Variants in SHISA9 observed in about 807,000 individuals in gnomAD.
The protein encoded by SHISA9 is protein shisa-9.
SHISA9 carries 13 observed loss-of-function variants against 38.0 expected under a neutral mutation model. The ratio of observed to expected loss-of-function variants is 0.34; its 90% CI spans 0.22 to 0.54. SHISA9 has a LOEUF of 0.54. Ranked by LOEUF, SHISA9 falls within the 20% of genes least tolerant of loss-of-function variation. The pLI is 0.91. For missense variants in SHISA9, 538 were observed against 575.8 expected (o/e 0.93, Z 0.67); for synonymous variants, 275 against 242.0 (o/e 1.14, Z -1.27).
intron 2 of SHISA9, among the ~76,000 whole-genome samples, chr16:13,146,155 A>G (rs930166296): frequency 1.3e-5 from 2 of 152,202 alleles, no homozygotes; most frequent in African/African-American, 2.4e-5. Flanking sequence ...GCACCACTGC[A>G]CTCCAGGCTG....
chr16:12,961,272 G>A lies in SHISA9; in HGVS notation c.691+44457G>A, dbSNP rs1285249037. ...TGGACAGGAGGCCAGAATGGTGGGA[G>A]CAGAGGTAGCGGAGTGGAACATGGA... On this transcript the variant is annotated intron_variant, in intron 2 of 4. Coordinates refer to ENST00000558583, the MANE Select transcript of SHISA9 (RefSeq NM_001145204.3). Among the ~76,000 whole-genome samples the A allele has an allele frequency of 2.0e-5, 3 of 152,162 alleles. No individual in the cohort carries two copies. In the East Asian group the frequency reaches 5.8e-4, roughly 29 times the overall value.
chr16:13,434,419 G>GTTTT, the SHISA9 span, among the ~76,000 whole-genome samples: 11 of 64,562 alleles, frequency 1.7e-4, 1 homozygote, highest in South Asian at 5.0e-4. Flanking sequence ...GACAAGCTAT[G>GTTTT]TTTTTTTTTT....
chr16:13,295,100 C>G, the SHISA9 span, among the ~76,000 whole-genome samples: 1 of 152,178 alleles, frequency 6.6e-6, no homozygotes, highest in Admixed American at 6.5e-5. Context: ...ACCAGGGAAC[C>G]TGGCTCTAGA....
At chr16:13,394,928 GGTGTGTGTGTGTGT>G in the SHISA9 span, among the ~76,000 whole-genome samples, 12 of 139,402 alleles carry the variant, frequency 8.6e-5, no homozygotes, top group South Asian at 2.4e-4. Context: ...CAGTATCTGG[GGTGTGTGTGTGTGT>G]GTGTGTGTGT....
At chr16:13,043,465 C>T (rs896034225) in intron 2 of SHISA9, among the ~76,000 whole-genome samples, 1 of 152,200 alleles carries the variant, frequency 6.6e-6, no homozygotes, top group African/African-American at 2.4e-5. Context: ...TTTAAATTCT[C>T]CTGTTTCTAT....
the SHISA9 span, among the ~76,000 whole-genome samples, chr16:13,356,152 A>C: frequency 6.6e-6 from 1 of 152,206 alleles, no homozygotes; most frequent in African/African-American, 2.4e-5. Flanking sequence ...AAGGAATTGC[A>C]ACTTTTTTCT....
chr16:13,077,306 A>G (rs562138734), intron 2 of SHISA9, among the ~76,000 whole-genome samples: 36 of 150,384 alleles, frequency 2.4e-4, no homozygotes, highest in African/African-American at 7.8e-4. Context: ...TACTTTATCC[A>G]TATGGTAAAA....
chr16:13,550,594 C>T, the SHISA9 span, among the ~76,000 whole-genome samples: 11 of 152,316 alleles, frequency 7.2e-5, no homozygotes, highest in Admixed American at 5.9e-4. Context: ...GGGTGAAAGT[C>T]TGGACCCTTC....
the SHISA9 span, among the ~76,000 whole-genome samples, chr16:13,527,290 A>T: frequency 6.6e-6 from 1 of 152,036 alleles, no homozygotes; most frequent in Admixed American, 6.6e-5. Context: ...GCGTTTTTGG[A>T]GAACGCCTCC....
the SHISA9 span, among the ~76,000 whole-genome samples, chr16:13,561,887 A>T: frequency 6.6e-6 from 1 of 152,018 alleles, no homozygotes; most frequent in Admixed American, 6.5e-5. Context: ...AAAGCAAAAG[A>T]CAGCTGTATT....
intron 2 of SHISA9, among the ~76,000 whole-genome samples, chr16:13,031,275 T>C (rs1384474958): frequency 6.6e-6 from 1 of 152,152 alleles, no homozygotes; most frequent in Admixed American, 6.5e-5. Context: ...TCCACTGGAA[T>C]AGGTTGGATG....
intron 2 of SHISA9, among the ~76,000 whole-genome samples, chr16:13,095,228 T>C (rs1314486770): frequency 6.6e-6 from 1 of 152,246 alleles, no homozygotes; most frequent in Non-Finnish European, 1.5e-5. Context: ...TGAAATGCTT[T>C]TCATTCCTGT....
chr16:13,551,985 C>G, the SHISA9 span, among the ~76,000 whole-genome samples: 2 of 152,098 alleles, frequency 1.3e-5, no homozygotes, highest in African/African-American at 2.4e-5. Flanking sequence ...TGAGATCTCA[C>G]CACTGCACTC....
chr16:12,986,132 T>C (rs1198052192), intron 2 of SHISA9, among the ~76,000 whole-genome samples: 1 of 152,172 alleles, frequency 6.6e-6, no homozygotes, highest in African/African-American at 2.4e-5. Context: ...AGTTTTTAAA[T>C]AAATTGCTCA....
intron 4 of SHISA9, among the ~76,000 whole-genome samples, chr16:13,231,242 T>C (rs1020435767): frequency 2.0e-5 from 3 of 152,176 alleles, no homozygotes; most frequent in Admixed American, 1.3e-4. Flanking sequence ...ATGTGAGAGA[T>C]AAGAAAGAGG....
intron 2 of SHISA9, among the ~76,000 whole-genome samples, chr16:12,923,853 A>C (rs762454297): frequency 2.6e-5 from 4 of 151,878 alleles, no homozygotes; most frequent in Non-Finnish European, 5.9e-5. Flanking sequence ...AAAAAAAAAA[A>C]TTAGAGGAGT....
intron 2 of SHISA9, among the ~76,000 whole-genome samples, chr16:12,939,442 G>T (rs913112237): frequency 1.3e-5 from 2 of 152,148 alleles, no homozygotes; most frequent in African/African-American, 2.4e-5. Context: ...CCAGAGGTTT[G>T]TTGTTGGTGA....
rs552317222 is a variant in SHISA9, at chr16:12,991,995, G to A, written c.691+75180G>A. ...CATCTGTAACTTGCCTCAGTGTCTA[G>A]AAGGGTACCCAGCACATAGGTGCTC... On this transcript the variant is annotated intron_variant, in intron 2 of 4. Transcript: ENST00000558583. Among the ~76,000 whole-genome samples the A allele has an allele frequency of 4.6e-5, 7 of 152,240 alleles. No homozygotes were observed. In the South Asian group the frequency reaches 1.5e-3, roughly 32 times the overall value.
chr16:13,270,950 AG>A, the SHISA9 span, among the ~76,000 whole-genome samples: 1 of 152,134 alleles, frequency 6.6e-6, no homozygotes, highest in Non-Finnish European at 1.5e-5. Flanking sequence ...TCTCCTAGAG[AG>A]GGAGTTAGCT....
Sources: allele counts gnomAD v4.1 joint callset (sites outside exome capture counted in the v4.1 genomes callset), GRCh38; gene constraint gnomAD v4.1.1; transcripts MANE v1.5; gene names NCBI Gene and HGNC (gene_info 2026-07-23, HGNC 2026-07-21).